Variants in TMEM59 observed in about 807,000 individuals in gnomAD.
The protein encoded by TMEM59 is dendritic cell factor 1.
TMEM59 carries 44 observed loss-of-function variants against 42.2 expected under a neutral mutation model. The observed-to-expected ratio is 1.04, with a 90% CI of 0.82 to 1.34. The LOEUF (loss-of-function observed/expected upper bound fraction) is 1.34, where lower values mean the gene tolerates loss of function less well. TMEM59 is among the 40% of genes most tolerant of loss of function. The pLI is 0.00. For missense variants in TMEM59, 359 were observed against 382.8 expected, an observed-to-expected ratio of 0.94 and a Z score of 0.52; for synonymous variants, 148 against 145.8, an observed-to-expected ratio of 1.02 and a Z score of -0.11.
intron 4 of TMEM59, among the ~76,000 whole-genome samples, chr1:54,042,957 C>A (rs959007645): frequency 6.6e-6 from 1 of 152,102 alleles, no homozygotes; most frequent in Admixed American, 6.6e-5. Flanking sequence ...TCAACAAGTT[C>A]TCTTATTAGA....
chr1:54,042,056 G>GTT (rs1366775381), intron 4 of TMEM59, among the ~76,000 whole-genome samples: 4 of 131,394 alleles, frequency 3.0e-5, no homozygotes, highest in Non-Finnish European at 1.7e-5. Flanking sequence ...GTTTTGTTTT[G>GTT]TTTTTTTTTT....
At position 54,029,935 on chromosome 1, in the gene TMEM59, C is replaced by T. The variant is rs1557670532; in HGVS notation, c.*2215G>A. ...CTTAATTATGCTAAAAAAGAGGAGACAAATATTTGAGTGCCTGCTAAATAT... is the reference window on the plus strand; with the variant it reads ...CTTAATTATGCTAAAAAAGAGGAGATAAATATTTGAGTGCCTGCTAAATAT... On this transcript the variant is annotated 3_prime_UTR_variant, in exon 8 of 8. Transcript: ENST00000234831. 1 of 152,074 alleles carries T rather than the reference C, an allele frequency of 6.6e-6. No homozygotes were observed. The highest frequency in any genetic ancestry group is 2.4e-5 in the African/African-American group (1 of 41,406). The allele number at this position is 152,074 out of a possible 1,614,324, so 9.4% of individuals were successfully genotyped here.
chr1:54,040,224 C>T (rs566938793), intron 6 of TMEM59, among the ~76,000 whole-genome samples: 10 of 152,312 alleles, frequency 6.6e-5, no homozygotes, highest in African/African-American at 2.4e-4. Context: ...GTGATCTCAG[C>T]TCACTGCAAC....
intron 6 of TMEM59, among the ~76,000 whole-genome samples, chr1:54,039,791 T>C (rs1222418084): frequency 1.3e-5 from 2 of 151,866 alleles, no homozygotes; most frequent in African/African-American, 4.8e-5. Context: ...ATAAGTGGTA[T>C]GGCCCACTAT....
chr1:54,051,144 C>A (rs1220773905), intron 1 of TMEM59, among the ~76,000 whole-genome samples: 2 of 152,132 alleles, frequency 1.3e-5, no homozygotes, highest in Non-Finnish European at 2.9e-5. Flanking sequence ...CGTGAGCCAT[C>A]GCACCCGGCC....
At chr1:54,041,678 T>C (rs1657141264) in intron 5 of TMEM59, 46 bp downstream of exon 5, 2 of 1,495,176 alleles carry the variant, frequency 1.3e-6, no homozygotes, top group Non-Finnish European at 1.9e-6. Flanking sequence ...TACAACCAGA[T>C]TTGACTGCTA....
upstream of TMEM59, chr1:54,053,459 G>A (rs974844789): frequency 5.1e-5 from 24 of 472,420 alleles, no homozygotes; most frequent in African/African-American, 3.5e-4. Context: ...TCCCTTCGCG[G>A]GGCAGGCTGG....
In TMEM59 at chr1:54,031,387, T is replaced by G. The variant is rs1656762933; in HGVS notation, c.*763A>C. 1 of 152,246 alleles carries G rather than the reference T, an allele frequency of 6.6e-6. No homozygotes were observed. The highest frequency in any genetic ancestry group is 2.4e-5 in the African/African-American group (1 of 41,470). 9.4% of individuals were successfully genotyped at this position (152,246 alleles called of 1,614,324 possible). On this transcript the variant is annotated 3_prime_UTR_variant, in exon 8 of 8. Transcript: ENST00000234831. ...TTCTGTATCACAAGAGTCTAATTTT[T>G]AGTGTTAAAATGAAGTTTTCTCTGA...
intron 1 of TMEM59, among the ~76,000 whole-genome samples, chr1:54,049,235 T>C (rs1403410220): frequency 6.6e-6 from 1 of 152,240 alleles, no homozygotes; most frequent in African/African-American, 2.4e-5. Flanking sequence ...TCCTCAGTTG[T>C]AAAATAAGGA....
chr1:54,041,241 T>C (rs1390365878), intron 5 of TMEM59, among the ~76,000 whole-genome samples: 2 of 152,370 alleles, frequency 1.3e-5, no homozygotes, highest in East Asian at 3.9e-4. Flanking sequence ...AGGTGAGTTC[T>C]GCTTTAGCTT....
Position 54,030,533 on chromosome 1 carries a change from T to A in TMEM59, c.*1617A>T, listed in dbSNP as rs947310892. 1 of 152,440 alleles carries A rather than the reference T, an allele frequency of 6.6e-6. No individual in the cohort carries two copies. Among genetic ancestry groups the A allele is most frequent in the Non-Finnish European group, 1.5e-5 (1 of 68,276 alleles). The allele number at this position is 152,440 out of a possible 1,614,324, so 9.4% of individuals were successfully genotyped here. A position where few individuals can be genotyped will look rare whatever the true frequency, so the allele number is the denominator to read the frequency against. On this transcript the variant is annotated 3_prime_UTR_variant, in exon 8 of 8. Transcript: ENST00000234831. Reference sequence around the variant, plus strand: ...GTCTCGAACTCCTGACCTCAAGTGATCCTCCTGCTTTGGCCTCCCAAAGTG... The same window carrying A: ...GTCTCGAACTCCTGACCTCAAGTGAACCTCCTGCTTTGGCCTCCCAAAGTG...
chr1:54,043,639 T>C (rs1373595201), intron 3 of TMEM59, 114 bp from the exon 4 acceptor site: 1 of 613,494 alleles, frequency 1.6e-6, no homozygotes, highest in Non-Finnish European at 2.3e-6. Context: ...AACAATTAAA[T>C]ACATCTACCA....
At chr1:54,041,692 T>G (rs1204553990) in intron 5 of TMEM59, 32 bp downstream of exon 5, 1 of 1,572,508 alleles carries the variant, frequency 6.4e-7, no homozygotes, top group Non-Finnish European at 8.7e-7. Context: ...ACTGCTAATG[T>G]TTTTATCTAA....
chr1:54,035,763 C>A (rs990321900), intron 7 of TMEM59, among the ~76,000 whole-genome samples: 2 of 152,066 alleles, frequency 1.3e-5, no homozygotes, highest in African/African-American at 4.8e-5. Flanking sequence ...CGGGCACGCA[C>A]CACCATACCC....
At chr1:54,034,548 C>T (rs12064857) in intron 7 of TMEM59, 3,900 of 152,166 alleles carry the variant, frequency 0.026, 113 homozygotes, top group Middle Eastern at 0.077. Flanking sequence ...CTAAGGCAGG[C>T]GAATCACTTG....
chr1:54,032,646 A>T (rs564965256), intron 7 of TMEM59, among the ~76,000 whole-genome samples: 1 of 152,366 alleles, frequency 6.6e-6, no homozygotes, highest in South Asian at 2.1e-4. Context: ...TTCTGCTCCT[A>T]AATGTTTTAG....
chr1:54,040,256 G>A (rs915526877), intron 6 of TMEM59, among the ~76,000 whole-genome samples: 4 of 152,056 alleles, frequency 2.6e-5, no homozygotes, highest in African/African-American at 4.8e-5. Context: ...AGGTTCAAAC[G>A]ATTCTCCTGC....
intron 1 of TMEM59, chr1:54,047,740 T>A: frequency 3.9e-6 from 1 of 253,792 alleles, no homozygotes; most frequent in Non-Finnish European, 7.5e-6. Flanking sequence ...GTGGGAGGAC[T>A]GCTTGAGGCC....
upstream of TMEM59, chr1:54,053,233 C>G: frequency 6.2e-7 from 1 of 1,601,834 alleles, no homozygotes; most frequent in Non-Finnish European, 8.5e-7. Context: ...GCTGTTTTCT[C>G]GGAAGGGTTT....
Sources: allele counts gnomAD v4.1 joint callset (sites outside exome capture counted in the v4.1 genomes callset), GRCh38; gene constraint gnomAD v4.1.1; transcripts MANE v1.5; gene names NCBI Gene and HGNC (gene_info 2026-07-23, HGNC 2026-07-21).